Variants in GLDC observed in about 807,000 individuals in gnomAD.
GLDC encodes the protein glycine dehydrogenase (decarboxylating), mitochondrial.
A neutral mutation model predicts 121.3 loss-of-function variants in GLDC; 104 were observed. The observed-to-expected ratio is 0.86, with a 90% CI of 0.73 to 1.01. The LOEUF (loss-of-function observed/expected upper bound fraction) is 1.01. GLDC is among the 50% of genes least tolerant of loss of function. The pLI, the probability that GLDC is intolerant of heterozygous loss-of-function variation, is 0.00. For missense variants in GLDC, 1,429 were observed against 1,306.6 expected (o/e 1.09, Z -1.44); for synonymous variants, 546 against 480.6 (o/e 1.14, Z -1.78).
intron 7 of GLDC, among the ~76,000 whole-genome samples, chr9:6,602,417 C>T (rs2129886539): frequency 6.6e-6 from 1 of 151,002 alleles, no homozygotes; most frequent in South Asian, 2.1e-4. Context: ...CGCTCTTTCG[C>T]CCAGGCTGGA....
At chr9:6,554,867 T>G (rs1050754710) in intron 18 of GLDC, 86 bp from the exon 19 acceptor site, 7 of 942,574 alleles carry the variant, frequency 7.4e-6, no homozygotes, top group African/African-American at 6.5e-5. Context: ...CGGTGCTGCC[T>G]TCTCCCCTCA....
At chr9:6,625,093 T>A (rs1349987825) in intron 2 of GLDC, among the ~76,000 whole-genome samples, 1 of 152,050 alleles carries the variant, frequency 6.6e-6, no homozygotes, top group Admixed American at 6.6e-5. Flanking sequence ...CCCAATAGCA[T>A]CATTCTCTTT....
Position 6,645,647 on chromosome 9 carries a change from C to G in GLDC, c.-148G>C, listed in dbSNP as rs1819733405. 2.2e-6 allele frequency: 1 copy of G among 464,698 alleles called. No individual in the cohort carries two copies. The highest frequency in any genetic ancestry group is 2.1e-5 in the African/African-American group (1 of 48,442). 28.8% of individuals were successfully genotyped at this position (464,698 alleles called of 1,614,324 possible). A position where few individuals can be genotyped will look rare whatever the true frequency, so the allele number is the denominator to read the frequency against. On this transcript the variant is annotated 5_prime_UTR_variant, in exon 1 of 25. Transcript: ENST00000321612. Reference sequence around the variant, plus strand: ...GGCCGGACAGATGGATGGACGCTCGCGGGCAATGAATGGGCGCTGCGCTCA... The same window carrying G: ...GGCCGGACAGATGGATGGACGCTCGGGGGCAATGAATGGGCGCTGCGCTCA...
intron 4 of GLDC, among the ~76,000 whole-genome samples, chr9:6,608,980 C>G (rs1818795696): frequency 6.6e-6 from 1 of 152,070 alleles, no homozygotes; most frequent in African/African-American, 2.4e-5. Flanking sequence ...CACCAGAGGC[C>G]TCTAAACTTG....
At chr9:6,594,454 G>C (rs912391295) in intron 9 of GLDC, among the ~76,000 whole-genome samples, 1 of 152,034 alleles carries the variant, frequency 6.6e-6, no homozygotes, top group Admixed American at 6.5e-5. Context: ...CCAGCACTTT[G>C]AGAGGCCAAA....
At position 6,602,115 on chromosome 9, in the gene GLDC, T is replaced by C. The variant is rs146499591; in HGVS notation, c.1149A>G (p.Thr383=). ...GGTCAGACGTGTGATTTACCTGAGC[T>C]GTACAGATGTTGCTGGTAGCCTTGT... is the stretch of plus-strand genomic sequence containing the variant. ...RRDKATSNIC[T]AQALLANMAA... is the part of the protein sequence containing the mutation. The change falls in exon 8 of 25, where the codon ACA becomes ACG. Residue 383 remains threonine, a synonymous_variant. Coordinates refer to ENST00000321612, the MANE Select transcript of GLDC (RefSeq NM_000170.3). The C allele has an allele frequency of 1.1e-4, 175 of 1,596,932 alleles. No homozygotes were observed. The highest frequency in any genetic ancestry group is 1.4e-4 in the Non-Finnish European group (166 of 1,164,448).
chr9:6,609,469 C>A (rs1453782263), intron 4 of GLDC, among the ~76,000 whole-genome samples: 1 of 152,134 alleles, frequency 6.6e-6, no homozygotes, highest in African/African-American at 2.4e-5. Context: ...TACCCTCTTA[C>A]AACCCCACCA....
chr9:6,583,451 G>A (rs1818209553), intron 15 of GLDC, among the ~76,000 whole-genome samples: 1 of 152,166 alleles, frequency 6.6e-6, no homozygotes, highest in Non-Finnish European at 1.5e-5. Context: ...AAGGCAGGAG[G>A]ATCACTTCAG....
At chr9:6,572,557 C>T (rs1258553934) in intron 15 of GLDC, among the ~76,000 whole-genome samples, 1 of 152,126 alleles carries the variant, frequency 6.6e-6, no homozygotes, top group Non-Finnish European at 1.5e-5. Context: ...TCACTAAACA[C>T]TAATAAGACA....
chr9:6,634,923 C>A (rs532658983), intron 2 of GLDC, among the ~76,000 whole-genome samples: 1 of 152,312 alleles, frequency 6.6e-6, no homozygotes, highest in East Asian at 1.9e-4. Context: ...TTCCTGTCTA[C>A]CCATTACTTA....
At chr9:6,537,521 C>A (rs967777248) in intron 22 of GLDC, among the ~76,000 whole-genome samples, 1 of 152,224 alleles carries the variant, frequency 6.6e-6, no homozygotes, top group African/African-American at 2.4e-5. Flanking sequence ...GCTCACACAC[C>A]TATAATCCCA....
Position 6,610,249 on chromosome 9 carries a change from T to A in GLDC, c.578A>T (p.Asn193Ile). ...VCDITGLDMA[N>I]ASLLDEGTAA... The stretch of plus-strand genomic sequence containing the variant: ...AGTCCCCTCATCCAGCAGGGATGCA[T>A]TGGCCATGTCCAGGCCTGTGATGTC... The change falls in exon 4 of 25, where the codon AAT becomes ATT. Residue 193 changes from asparagine (N) to isoleucine (I), a missense_variant. Asn to Ile is a moderately radical substitution (Grantham distance 149, BLOSUM62 -3). Coordinates refer to ENST00000321612, the MANE Select transcript of GLDC (RefSeq NM_000170.3). 8 of 1,613,962 alleles carry A rather than the reference T, an allele frequency of 5.0e-6. No homozygotes were observed. The highest frequency in any genetic ancestry group is 6.8e-6 in the Non-Finnish European group (8 of 1,179,922).
At chr9:6,635,763 T>A (rs538058851) in intron 2 of GLDC, among the ~76,000 whole-genome samples, 1 of 152,054 alleles carries the variant, frequency 6.6e-6, no homozygotes, top group East Asian at 1.9e-4. Context: ...TGGTCTAAGC[T>A]ACTTGGAAGG....
intron 19 of GLDC, 40 bp from the exon 20 acceptor site, chr9:6,553,549 AT>A: frequency 6.2e-7 from 1 of 1,601,078 alleles, no homozygotes. Context: ...AATGTAAACG[AT>A]TCAGTTTAAT....
At chr9:6,603,163 G>A (rs1818652910) in intron 7 of GLDC, among the ~76,000 whole-genome samples, 1 of 151,968 alleles carries the variant, frequency 6.6e-6, no homozygotes, top group Admixed American at 6.6e-5. Context: ...GGGAGGCAGA[G>A]GTTGCAGTGA....
Position 6,536,232 on chromosome 9 carries a change from A to C in GLDC, c.2670T>G (p.Phe890Leu), listed in dbSNP as rs760961076. The change falls in exon 23 of 25, where the codon TTT (phenylalanine) becomes TTG (leucine). Residue 890 changes from phenylalanine to leucine, a missense_variant. Phe to Leu is a conservative substitution (Grantham distance 22, BLOSUM62 0). Transcript: ENST00000321612. ...DVAKRLQDYG[F>L]HAPTMSWPVA... ...CAGGCCAGGACATGGTAGGGGCGTG[A>C]AATCCTGCAAAGGGAGACAGGAGAA... is the stretch of plus-strand genomic sequence containing the variant. The C allele has an allele frequency of 5.0e-6, 8 of 1,613,358 alleles. No individual in the cohort carries two copies. Among genetic ancestry groups the C allele is most frequent in the Non-Finnish European group, 6.8e-6 (8 of 1,179,684 alleles).
chr9:6,622,078 C>T (rs1217719818), intron 2 of GLDC, among the ~76,000 whole-genome samples: 3 of 151,936 alleles, frequency 2.0e-5, no homozygotes, highest in Non-Finnish European at 4.4e-5. Flanking sequence ...TGTTTTAACC[C>T]TATTGAACTC....
At chr9:6,620,722 G>A (rs1162413062) in intron 2 of GLDC, among the ~76,000 whole-genome samples, 1 of 152,134 alleles carries the variant, frequency 6.6e-6, no homozygotes, top group Non-Finnish European at 1.5e-5. Context: ...ATACTCTCTG[G>A]AAGTAGGCAC....
intron 2 of GLDC, among the ~76,000 whole-genome samples, chr9:6,625,440 A>G (rs1389274230): frequency 1.3e-5 from 2 of 152,244 alleles, no homozygotes; most frequent in Admixed American, 6.5e-5. Context: ...AAATAGCTAA[A>G]TGGACATTGA....
Sources: gnomAD v4.1 joint callset for allele counts (sites outside exome capture counted in the v4.1 genomes callset) on GRCh38, gnomAD v4.1.1 for gene constraint, MANE v1.5 for transcripts, NCBI Gene and HGNC (gene_info 2026-07-23, HGNC 2026-07-21) for gene names.